Variants in SIGLEC11 observed in about 807,000 individuals in gnomAD.
SIGLEC11 encodes sialic acid-binding Ig-like lectin 11.
In SIGLEC11, 47 loss-of-function variants were observed where a neutral mutation model predicts 61.2. The observed-to-expected ratio is 0.77, with a 90% CI of 0.61 to 0.98. SIGLEC11 has a LOEUF of 0.98. Among genes scored for constraint, SIGLEC11 ranks in the 50% least tolerant of loss-of-function variants. SIGLEC11 has a pLI of 0.00. For synonymous variants in SIGLEC11, 278 were observed against 373.1 expected (o/e 0.75, Z 2.94); for missense variants, 610 against 870.3 (o/e 0.70, Z 3.76).
Position 49,955,457 on chromosome 19 carries a change from AAAG to A in SIGLEC11, c.1651+2823_1651+2825del, listed in dbSNP as rs902946071. On this transcript the variant is annotated intron_variant, in intron 8 of 10. Coordinates refer to ENST00000447370, the MANE Select transcript of SIGLEC11 (RefSeq NM_052884.3). The surrounding 1 kb of genome is among the most constrained non-coding windows in gnomAD (Gnocchi z 4.5). ...AAAAAAGTAAGTGTGAAAAAGGAAA[AAAG>A]AAAAATCAGAAAGAAACAGTAAAGA... Among the ~76,000 whole-genome samples the A allele has an allele frequency of 2.0e-5, 3 of 152,248 alleles. No homozygotes were observed. Among genetic ancestry groups the A allele is most frequent in the African/African-American group, 7.2e-5 (3 of 41,472 alleles).
In SIGLEC11 at chr19:49,960,161, T is replaced by C; in HGVS notation, c.721A>G (p.Arg241Gly). ...DFSRKGVSAQ[R>G]TVRLRVAYAP... Reference sequence around the variant, plus strand: ...CAGGCCACACGGAGTCGGACGGTCCTCTGTGCGCTCACACCCTTTCTGGAG... The same window carrying C: ...CAGGCCACACGGAGTCGGACGGTCCCCTGTGCGCTCACACCCTTTCTGGAG... Residue 241 changes from arginine to glycine, a missense_variant, in exon 3 of 11, where the codon AGG (arginine) becomes GGG (glycine). By Grantham distance (125) the Arg-to-Gly change is moderately radical (BLOSUM62 -2). Around this residue, in one of 6 missense-constraint regions of SIGLEC11, gnomAD observed 12 missense variants for 101.0 expected, o/e 0.12. Coordinates refer to ENST00000447370, the MANE Select transcript of SIGLEC11 (RefSeq NM_052884.3). 4.1e-6 allele frequency: 6 copies of C among 1,478,078 alleles called. No individual in the cohort carries two copies. Among genetic ancestry groups the C allele is most frequent in the Non-Finnish European group, 5.5e-6 (6 of 1,083,386 alleles). 91.6% of individuals were successfully genotyped at this position (1,478,078 alleles called of 1,614,324 possible). A position where few individuals can be genotyped will look rare whatever the true frequency, so the allele number is the denominator to read the frequency against.
chr19:49,959,139 ACTATC>A (rs140838254), intron 5 of SIGLEC11, 62 bp from the exon 6 acceptor site: 374,029 of 1,603,198 alleles, frequency 0.23, 44,040 homozygotes, highest in East Asian at 0.27. Flanking sequence ...GGTAAAGGGA[ACTATC>A]CTGGACACTG....
chr19:49,960,678 C>T lies in SIGLEC11; in HGVS notation c.334G>A (p.Gly112Arg), dbSNP rs753898453. 3.5e-5 allele frequency: 57 copies of T among 1,610,066 alleles called. No individual in the cohort carries two copies. In the Admixed American group the frequency reaches 9.5e-4, roughly 27 times the overall value. Residue 112 changes from glycine to arginine, a missense_variant, in exon 2 of 11, where the codon GGG becomes AGG. By Grantham distance (125) the Gly-to-Arg change is moderately radical. Coordinates refer to ENST00000447370, the MANE Select transcript of SIGLEC11 (RefSeq NM_052884.3). ...TCTCTGATCACCAAGGAGCAGCTCCCTTTGCCGGGATCCCCAGTGAGCTGG... is the reference window on the plus strand; with the variant it reads ...TCTCTGATCACCAAGGAGCAGCTCCTTTTGCCGGGATCCCCAGTGAGCTGG... ...RFQLTGDPGK[G>R]SCSLVIRDAQ...
At chr19:49,960,525 G>C in intron 2 of SIGLEC11, 27 bp downstream of exon 2, 1 of 1,594,156 alleles carries the variant, frequency 6.3e-7, no homozygotes, top group Non-Finnish European at 8.5e-7. Context: ...CAGTGTGACA[G>C]GCAGGGGTTC....
chr19:49,950,027 C>G lies in SIGLEC11; in HGVS notation c.2040G>C (p.Arg680Ser). ...CCAATTGAAGCCCAAAGCCTGGGCC[C>G]CTCAGGGGCTGTCCTGTGTGGATCT... ...EIKIHTGQPLRGPGFGLQLER... is the reference protein window; with the variant it reads ...EIKIHTGQPLSGPGFGLQLER... The change falls in exon 11 of 11, where the codon AGG becomes AGC. Residue 680 changes from arginine (R) to serine (S), a missense_variant. Physicochemically the swap from Arg to Ser is moderately radical, Grantham distance 110 (BLOSUM62 -1). Coordinates refer to ENST00000447370, the MANE Select transcript of SIGLEC11 (RefSeq NM_052884.3). 6.4e-7 allele frequency: 1 copy of G among 1,566,472 alleles called. No homozygotes were observed. The highest frequency in any genetic ancestry group is 1.2e-5 in the South Asian group (1 of 85,866).
At chr19:49,956,382 T>C (rs928388282) in intron 8 of SIGLEC11, among the ~76,000 whole-genome samples, 1 of 152,182 alleles carries the variant, frequency 6.6e-6, no homozygotes, top group African/African-American at 2.4e-5. Flanking sequence ...TCCCTGTTTC[T>C]CTTCTTTAAA....
Position 49,958,902 on chromosome 19 carries a change from T to A in SIGLEC11, c.1106-2A>T, listed in dbSNP as rs374412718. On this transcript the variant is annotated splice_acceptor_variant, in intron 6 of 10. Coordinates refer to ENST00000447370, the MANE Select transcript of SIGLEC11 (RefSeq NM_052884.3). LOFTEE classifies it high-confidence loss of function. ...TGCCGTTCCCGAGGTTTTCCAGGAC[T>A]AGGGAAGGAAGAGGCAGAATCGACG... 141 of 1,601,686 alleles carry A rather than the reference T, an allele frequency of 8.8e-5. No homozygotes were observed. The highest frequency in any genetic ancestry group is 1.2e-4 in the Non-Finnish European group (137 of 1,172,892).
chr19:49,957,702 T>G (rs113440966), intron 8 of SIGLEC11, among the ~76,000 whole-genome samples: 3,320 of 152,314 alleles, frequency 0.022, 137 homozygotes, highest in African/African-American at 0.074. Context: ...GTAAGTCCGC[T>G]TATAAACACA....
In SIGLEC11 at chr19:49,949,596, C is replaced by T. The variant is rs377494389; in HGVS notation, c.*374G>A. On this transcript the variant is annotated 3_prime_UTR_variant, in exon 11 of 11. Coordinates refer to ENST00000447370, the MANE Select transcript of SIGLEC11 (RefSeq NM_052884.3). ...GTGGCTCACGTCTGTAATCCCAGCA[C>T]TTTGGGAGGCAGAGGCGGGCAGATT... is the stretch of plus-strand genomic sequence containing the variant. The T allele has an allele frequency of 5.1e-5, 8 of 158,336 alleles. No homozygotes were observed. The East Asian group carries it at 1.1e-3, about 22-fold the overall frequency. The allele number at this position is 158,336 out of a possible 1,614,324, so 9.8% of individuals were successfully genotyped here. A position where few individuals can be genotyped will look rare whatever the true frequency, so the allele number is the denominator to read the frequency against.
intron 8 of SIGLEC11, among the ~76,000 whole-genome samples, chr19:49,954,209 A>G (rs540285431): frequency 6.6e-6 from 1 of 152,280 alleles, no homozygotes; most frequent in South Asian, 2.1e-4. Context: ...GTTAAAAGAA[A>G]AACCCCAGAA....
chr19:49,958,661 G>C lies in SIGLEC11; in HGVS notation c.1345C>G (p.Leu449Val). ...QHPLGSQHVSLSLSVHYPPQL... is the reference protein window; with the variant it reads ...QHPLGSQHVSVSLSVHYPPQL... ...CACTCACAGTGCACGGAGAGGCTGA[G>C]AGAGACGTGCTGGGAGCCCAGAGGG... The change falls in exon 7 of 11, where the codon CTC becomes GTC. Residue 449 changes from leucine to valine, a missense_variant. Leu to Val is a conservative substitution (Grantham distance 32). Coordinates refer to ENST00000447370, the MANE Select transcript of SIGLEC11 (RefSeq NM_052884.3). The C allele has an allele frequency of 6.2e-7, 1 of 1,602,238 alleles. No homozygotes were observed. The highest frequency in any genetic ancestry group is 8.5e-7 in the Non-Finnish European group (1 of 1,174,200).
intron 10 of SIGLEC11, 101 bp from the exon 11 acceptor site, chr19:49,950,337 C>T: frequency 7.9e-7 from 1 of 1,263,500 alleles, no homozygotes; most frequent in Non-Finnish European, 1.0e-6. Context: ...TTTCCTGTTT[C>T]ACCTACTCAT....
chr19:49,958,325 C>G lies in SIGLEC11; in HGVS notation c.1609G>C (p.Val537Leu). 1 of 1,614,190 alleles carries G rather than the reference C, an allele frequency of 6.2e-7. No homozygotes were observed. The highest frequency in any genetic ancestry group is 1.1e-5 in the South Asian group (1 of 91,084). The change falls in exon 8 of 11, where the codon GTC (valine) becomes CTC (leucine). Residue 537 changes from valine (V) to leucine (L), a missense_variant. Physicochemically the swap from Val to Leu is conservative, Grantham distance 32. Around this residue, in one of 6 missense-constraint regions of SIGLEC11, gnomAD observed 432 missense variants for 441.5 expected, o/e 0.98. Coordinates refer to ENST00000447370, the MANE Select transcript of SIGLEC11 (RefSeq NM_052884.3). ...GLRLRCKAWN[V>L]HGAQSGSVFQ... ...ACAGAGCCACTCTGGGCCCCGTGGA[C>G]GTTCCAGGCCTTACAGCGGAGCCTG...
chr19:49,951,981 G>A lies in SIGLEC11; in HGVS notation c.1749-9C>T, dbSNP rs565532443. 3 of 1,605,820 alleles carry A rather than the reference G, an allele frequency of 1.9e-6. No homozygotes were observed. The highest frequency in any genetic ancestry group is 2.7e-5 in the African/African-American group (2 of 74,894). On this transcript the variant is annotated splice_polypyrimidine_tract_variant and intron_variant, in intron 9 of 10. Transcript: ENST00000447370. The surrounding 1 kb of genome is among the most constrained non-coding windows in gnomAD (Gnocchi z 4.6). Reference sequence around the variant, plus strand: ...TCCTGCAGATCTTCACCCTGAGGGAGGAGGCAGTGCCCTTCAGCCTCCAGG... The same window carrying A: ...TCCTGCAGATCTTCACCCTGAGGGAAGAGGCAGTGCCCTTCAGCCTCCAGG...
Position 49,951,262 on chromosome 19 carries a change from G to T in SIGLEC11, c.1830+629C>A, listed in dbSNP as rs1462891116. On this transcript the variant is annotated intron_variant, in intron 10 of 10. Coordinates refer to ENST00000447370, the MANE Select transcript of SIGLEC11 (RefSeq NM_052884.3). The surrounding 1 kb of genome is among the most constrained non-coding windows in gnomAD (Gnocchi z 4.6). ...CTCCGTGCATCTGTCACACTTCCTT[G>T]CTGGGAGAATTGGGTGCTGTCCCCA... 2.0e-5 allele frequency among the ~76,000 whole-genome samples: 3 copies of T among 152,184 alleles called. No individual in the cohort carries two copies. The highest frequency in any genetic ancestry group is 7.2e-5 in the African/African-American group (3 of 41,448).
At position 49,950,165 on chromosome 19, in the gene SIGLEC11, C is replaced by T. The variant is rs185965511; in HGVS notation, c.1902G>A (p.Pro634=). ...GGAGCTCCTGCTCTTCCCCCTTCCC[C>T]GGGGTGTAGGTGGCTGCACCTGGGG... ...HPPPGAATYT[P]GKGEEQELHY... Residue 634 remains proline (P), a synonymous_variant, in exon 11 of 11, where the codon CCG becomes CCA. Coordinates refer to ENST00000447370, the MANE Select transcript of SIGLEC11 (RefSeq NM_052884.3). The T allele has an allele frequency of 2.7e-5, 44 of 1,610,530 alleles. No homozygotes were observed. The highest frequency in any genetic ancestry group is 6.7e-5 in the East Asian group (3 of 44,842).
chr19:49,956,744 C>T (rs963203021), intron 8 of SIGLEC11, among the ~76,000 whole-genome samples: 5 of 152,072 alleles, frequency 3.3e-5, no homozygotes, highest in Admixed American at 1.3e-4. Flanking sequence ...CATGCTTAAC[C>T]GCATCATAAG....
Position 49,958,562 on chromosome 19 carries a change from G to C in SIGLEC11, c.1372C>G (p.Gln458Glu). 1 of 1,576,336 alleles carries C rather than the reference G, an allele frequency of 6.3e-7. No individual in the cohort carries two copies. The highest frequency in any genetic ancestry group is 1.2e-5 in the South Asian group (1 of 85,212). The stretch of plus-strand genomic sequence containing the variant: ...CAGGAGCAGGAGGGGCCCAGCAGCT[G>C]TGGAGGGTCTGTGGGGAGGGAGGAC... The part of the protein sequence containing the change: ...SLSLSVHYPP[Q>E]LLGPSCSWEA... Residue 458 changes from glutamine (Q) to glutamate (E), a missense_variant, in exon 8 of 11, where the codon CAG (glutamine) becomes GAG (glutamate). This residue lies in a region of SIGLEC11 where 432 missense variants were observed against 441.5 expected (regional missense o/e 0.98). Coordinates refer to ENST00000447370, the MANE Select transcript of SIGLEC11 (RefSeq NM_052884.3).
rs1030980312 is a variant in SIGLEC11, at chr19:49,949,266, G to C, written c.*704C>G. ...CTCCCAAAGTGTTGAGATTACAGGC[G>C]TGAGCCACCATGCCCAGCCTTTTTT... On this transcript the variant is annotated 3_prime_UTR_variant, in exon 11 of 11. Transcript: ENST00000447370. 1 of 151,014 alleles carries C rather than the reference G, an allele frequency of 6.6e-6. No homozygotes were observed. The highest frequency in any genetic ancestry group is 2.1e-4 in the South Asian group (1 of 4,808). 9.4% of individuals were successfully genotyped at this position (151,014 alleles called of 1,614,324 possible). A position where few individuals can be genotyped will look rare whatever the true frequency, so the allele number is the denominator to read the frequency against.
Sources: gnomAD v4.1 joint callset for allele counts (sites outside exome capture counted in the v4.1 genomes callset) on GRCh38, gnomAD v4.1.1 for gene constraint, gnomAD v4.1.1 regional missense constraint, Gnocchi (gnomAD v3.1) non-coding constraint, MANE v1.5 for transcripts, NCBI Gene and HGNC (gene_info 2026-07-23, HGNC 2026-07-21) for gene names.